CDKAL1: variants seen among roughly 807,000 people sequenced by gnomAD.
CDKAL1 encodes the protein CDKAL1 threonylcarbamoyladenosine tRNA methylthiotransferase.
CDKAL1 carries 32 observed loss-of-function variants against 68.2 expected under a neutral mutation model. That is an observed-to-expected ratio of 0.47 (90% CI 0.35 to 0.63). CDKAL1 has a LOEUF of 0.63. Ranked by LOEUF, CDKAL1 falls within the 30% of genes least tolerant of loss-of-function variation. The probability of loss-of-function intolerance (pLI) is 0.00; values close to 1 mark genes in which losing one functional copy is unlikely to be tolerated. For synonymous variants in CDKAL1, 234 were observed against 244.3 expected (o/e 0.96, Z 0.39); for missense variants, 606 against 696.7 (o/e 0.87, Z 1.47).
chr6:20,687,557 T>G (rs1226529444), intron 5 of CDKAL1, among the ~76,000 whole-genome samples: 2 of 152,174 alleles, frequency 1.3e-5, no homozygotes, highest in Non-Finnish European at 1.5e-5. Context: ...TTTTATTTTG[T>G]TTTTTGAGGT....
intron 13 of CDKAL1, among the ~76,000 whole-genome samples, chr6:21,169,071 A>C (rs1409318993): frequency 6.6e-6 from 1 of 152,198 alleles, no homozygotes; most frequent in African/African-American, 2.4e-5. Context: ...GAAAGTGGGA[A>C]CCTACATAGG....
intron 11 of CDKAL1, among the ~76,000 whole-genome samples, chr6:21,020,460 T>TTTTA (rs1284463686): frequency 1.4e-3 from 211 of 152,212 alleles, no homozygotes; most frequent in African/African-American, 4.0e-3. Flanking sequence ...GTCTTTTTTA[T>TTTTA]TTTATTTATT....
chr6:21,066,500 GTACAGTTC>G (rs1363485793), intron 12 of CDKAL1, among the ~76,000 whole-genome samples: 29 of 152,272 alleles, frequency 1.9e-4, no homozygotes, highest in African/African-American at 6.7e-4. Flanking sequence ...TCTTTTTGGT[GTACAGTTC>G]TATGACTTCT....
At chr6:20,838,161 T>A (rs1194848488) in intron 8 of CDKAL1, among the ~76,000 whole-genome samples, 1 of 152,122 alleles carries the variant, frequency 6.6e-6, no homozygotes, top group Non-Finnish European at 1.5e-5. Context: ...ATATCTTACA[T>A]GGCAGAATTA....
Position 20,940,131 on chromosome 6 carries a change from G to C in CDKAL1, c.743-15288G>C, listed in dbSNP as rs574119563. ...TAATACACAAAATGATTGTTGTACA[G>C]TTGCATTTGTGAATGCCACTTTTTA... On this transcript the variant is annotated intron_variant, in intron 9 of 15. Coordinates refer to ENST00000274695, the MANE Select transcript of CDKAL1 (RefSeq NM_017774.3). Among the ~76,000 whole-genome samples the C allele has an allele frequency of 9.9e-5, 15 of 152,244 alleles. No individual in the cohort carries two copies. In the South Asian group the frequency reaches 2.5e-3, roughly 25 times the overall value.
At chr6:20,968,456 G>A (rs991840529) in intron 10 of CDKAL1, among the ~76,000 whole-genome samples, 1 of 152,086 alleles carries the variant, frequency 6.6e-6, no homozygotes, top group African/African-American at 2.4e-5. Context: ...ACCGCACCCA[G>A]CCAATTAGTG....
At chr6:21,229,491 T>C (rs566481844) in intron 15 of CDKAL1, among the ~76,000 whole-genome samples, 2 of 152,282 alleles carry the variant, frequency 1.3e-5, no homozygotes, top group Admixed American at 1.3e-4. Flanking sequence ...GTGTCTCTCC[T>C]GTGCATGCTG....
intron 13 of CDKAL1, among the ~76,000 whole-genome samples, chr6:21,138,212 C>T (rs961736862): frequency 4.4e-5 from 6 of 137,838 alleles, no homozygotes; most frequent in African/African-American, 1.7e-4. Context: ...TAATAACCCA[C>T]ATTTGTGTGT....
chr6:20,998,058 T>G (rs1767213490), intron 10 of CDKAL1, among the ~76,000 whole-genome samples: 1 of 152,260 alleles, frequency 6.6e-6, no homozygotes, highest in Non-Finnish European at 1.5e-5. Flanking sequence ...GTGTGAAGTT[T>G]CATCTCGCAA....
At chr6:20,610,951 A>C (rs1247045768) in intron 4 of CDKAL1, among the ~76,000 whole-genome samples, 1 of 152,178 alleles carries the variant, frequency 6.6e-6, no homozygotes, top group Non-Finnish European at 1.5e-5. Context: ...CTTGGACTAC[A>C]GGTGCACACC....
At chr6:20,708,721 T>C (rs1771713932) in intron 5 of CDKAL1, among the ~76,000 whole-genome samples, 1 of 152,166 alleles carries the variant, frequency 6.6e-6, no homozygotes, top group Non-Finnish European at 1.5e-5. Flanking sequence ...TTTATTTTAG[T>C]TTTTTGTATG....
chr6:20,771,815 C>T (rs1734197850), intron 7 of CDKAL1, among the ~76,000 whole-genome samples: 1 of 152,058 alleles, frequency 6.6e-6, no homozygotes, highest in Admixed American at 6.6e-5. Context: ...AGGTGGGCAC[C>T]CCCTTTGCCT....
At chr6:20,702,367 C>A (rs569382442) in intron 5 of CDKAL1, among the ~76,000 whole-genome samples, 1 of 152,268 alleles carries the variant, frequency 6.6e-6, no homozygotes, top group Admixed American at 6.5e-5. Context: ...CTGAATTAGA[C>A]CCTCTCCCTT....
At chr6:20,732,444 T>TC (rs1397663563) in intron 5 of CDKAL1, among the ~76,000 whole-genome samples, 1 of 149,964 alleles carries the variant, frequency 6.7e-6, no homozygotes, top group African/African-American at 2.4e-5. Context: ...CCTGGCTATT[T>TC]TTTTTTTTTT....
chr6:21,073,099 C>CT (rs1771883309), intron 12 of CDKAL1, among the ~76,000 whole-genome samples: 1 of 152,040 alleles, frequency 6.6e-6, no homozygotes, highest in African/African-American at 2.4e-5. Flanking sequence ...TTCAGATTGG[C>CT]TTTTTTTGCT....
chr6:21,146,313 T>C (rs566633184), intron 13 of CDKAL1, among the ~76,000 whole-genome samples: 2 of 152,208 alleles, frequency 1.3e-5, no homozygotes, highest in South Asian at 2.1e-4. Flanking sequence ...CTTCGTGGAG[T>C]ACCATTCTTC....
chr6:20,918,126 G>A (rs186502233), intron 9 of CDKAL1, among the ~76,000 whole-genome samples: 16 of 152,294 alleles, frequency 1.1e-4, no homozygotes, highest in Non-Finnish European at 1.6e-4. Flanking sequence ...GAAAAGAGGC[G>A]TAAGAGAGCT....
At chr6:21,051,309 G>GGCTGCA (rs1418145720) in intron 11 of CDKAL1, among the ~76,000 whole-genome samples, 10 of 152,182 alleles carry the variant, frequency 6.6e-5, no homozygotes, top group Admixed American at 3.3e-4. Flanking sequence ...AAGAGATAGA[G>GGCTGCA]GCTGCACTAA....
intron 13 of CDKAL1, among the ~76,000 whole-genome samples, chr6:21,123,356 G>A (rs1273387838): frequency 6.6e-6 from 1 of 152,172 alleles, no homozygotes; most frequent in Non-Finnish European, 1.5e-5. Flanking sequence ...TCAGGAGGCT[G>A]AGGTGGAAGG....
Sources: allele counts gnomAD v4.1 joint callset (sites outside exome capture counted in the v4.1 genomes callset), GRCh38; gene constraint gnomAD v4.1.1; transcripts MANE v1.5; gene names NCBI Gene and HGNC (gene_info 2026-07-23, HGNC 2026-07-21).